The following EPHA6 variants were observed in gnomAD, a reference collection of about 807,000 sequenced individuals.
The protein encoded by EPHA6 is EPH receptor A6, also known as ephrin type-A receptor 6.
In EPHA6, 50 loss-of-function variants were observed where a neutral mutation model predicts 112.0. The observed-to-expected ratio is 0.45, with a 90% confidence interval of 0.36 to 0.56. The LOEUF is 0.56. EPHA6 is among the 20% of genes least tolerant of loss of function. The probability of loss-of-function intolerance (pLI) is 0.00; values close to 1 mark genes in which losing one functional copy is unlikely to be tolerated. For synonymous variants in EPHA6, 529 were observed against 490.7 expected (o/e 1.08, Z -1.03); for missense variants, 1,280 against 1,417.4 (o/e 0.90, Z 1.56).
chr3:97,562,184 A>T (rs546229354), intron 11 of EPHA6, among the ~76,000 whole-genome samples: 1 of 152,258 alleles, frequency 6.6e-6, no homozygotes. Context: ...TTTGACTTTC[A>T]ATGTTATTAT....
At chr3:96,974,687 T>C (rs2042451783) in intron 2 of EPHA6, among the ~76,000 whole-genome samples, 1 of 152,140 alleles carries the variant, frequency 6.6e-6, no homozygotes, top group African/African-American at 2.4e-5. Context: ...ATGTTCATTT[T>C]ATGAATCCTT....
Position 97,387,482 on chromosome 3 carries a change from A to T in EPHA6, c.1607-17668A>T, listed in dbSNP as rs373218869. ...TTTAGAGCTGGGGCACAATGCTGCA[A>T]TTCTCTTTGCCAAAGCATAGCAAGA... On this transcript the variant is annotated intron_variant, in intron 5 of 17. Transcript: ENST00000389672. Among the ~76,000 whole-genome samples, 18 of 152,228 alleles carry T rather than the reference A, an allele frequency of 1.2e-4. No individual in the cohort carries two copies. In the South Asian group the frequency reaches 3.7e-3, roughly 32 times the overall value.
At chr3:97,002,218 G>T (rs566534304) in intron 3 of EPHA6, among the ~76,000 whole-genome samples, 1,992 of 151,606 alleles carry the variant, frequency 0.013, 42 homozygotes, top group African/African-American at 0.043. Context: ...TTTAATAATT[G>T]CATTATGACC....
At chr3:97,586,727 T>TGGATAGACAGAC (rs1553823571) in intron 11 of EPHA6, among the ~76,000 whole-genome samples, 5 of 151,348 alleles carry the variant, frequency 3.3e-5, no homozygotes, top group African/African-American at 9.7e-5. Flanking sequence ...GATGGATGGA[T>TGGATAGACAGAC]AGACAGACAG....
intron 13 of EPHA6, among the ~76,000 whole-genome samples, chr3:97,614,118 T>C (rs2093743044): frequency 6.6e-6 from 1 of 152,070 alleles, no homozygotes; most frequent in Non-Finnish European, 1.5e-5. Flanking sequence ...TTGTTTTTTG[T>C]TTTTATTATA....
chr3:97,322,860 C>T lies in EPHA6; in HGVS notation c.1606+78573C>T, dbSNP rs771962641. On this transcript the variant is annotated intron_variant, in intron 5 of 17. Coordinates refer to ENST00000389672, the MANE Select transcript of EPHA6 (RefSeq NM_001080448.3). Reference sequence around the variant, plus strand: ...ATTCAGTGAGGAACAATCCTCCTAACGAGAGCTGACCTATATAGTGACATT... The same window carrying T: ...ATTCAGTGAGGAACAATCCTCCTAATGAGAGCTGACCTATATAGTGACATT... Among the ~76,000 whole-genome samples the T allele has an allele frequency of 9.2e-5, 14 of 152,046 alleles. 1 individual carries two copies. The highest frequency in any genetic ancestry group is 2.2e-4 in the African/African-American group (9 of 41,454).
chr3:97,586,513 A>G (rs552428273), intron 11 of EPHA6, among the ~76,000 whole-genome samples: 2 of 152,182 alleles, frequency 1.3e-5, no homozygotes, highest in Non-Finnish European at 2.9e-5. Flanking sequence ...AGTGAAGGAA[A>G]TAATGTATAA....
At chr3:97,420,469 C>T (rs1476740642) in intron 6 of EPHA6, among the ~76,000 whole-genome samples, 1 of 151,984 alleles carries the variant, frequency 6.6e-6, no homozygotes, top group Non-Finnish European at 1.5e-5. Flanking sequence ...AAACTTCATA[C>T]ATATATTATT....
intron 6 of EPHA6, among the ~76,000 whole-genome samples, chr3:97,423,924 G>C (rs2088882950): frequency 6.6e-6 from 1 of 152,140 alleles, no homozygotes; most frequent in Non-Finnish European, 1.5e-5. Flanking sequence ...TTCAATCAAT[G>C]ATGCAGAAAT....
intron 5 of EPHA6, among the ~76,000 whole-genome samples, chr3:97,263,222 G>A (rs1333323912): frequency 9.2e-5 from 14 of 152,064 alleles, no homozygotes; most frequent in African/African-American, 3.4e-4. Flanking sequence ...TTTTAAAGAA[G>A]AAGTGTTTAA....
At chr3:96,816,673 T>C (rs767712363) in intron 1 of EPHA6, among the ~76,000 whole-genome samples, 8 of 152,098 alleles carry the variant, frequency 5.3e-5, no homozygotes, top group Non-Finnish European at 1.0e-4. Flanking sequence ...ACAATGTTTA[T>C]TTATTTAAAT....
intron 5 of EPHA6, among the ~76,000 whole-genome samples, chr3:97,339,140 C>A (rs957212423): frequency 1.4e-4 from 21 of 152,170 alleles, no homozygotes; most frequent in African/African-American, 5.1e-4. Context: ...CTAGACAAAC[C>A]ACTTAGTCAA....
chr3:97,516,566 C>T (rs1478301940), intron 10 of EPHA6, among the ~76,000 whole-genome samples: 1 of 152,040 alleles, frequency 6.6e-6, no homozygotes, highest in Non-Finnish European at 1.5e-5. Context: ...GGGTGACTAT[C>T]CAGATAACAT....
chr3:97,671,392 A>G (rs1022213302), intron 14 of EPHA6, among the ~76,000 whole-genome samples: 1 of 152,160 alleles, frequency 6.6e-6, no homozygotes, highest in African/African-American at 2.4e-5. Flanking sequence ...GACTTCTATA[A>G]TCTGTTCATA....
chr3:97,597,741 G>T (rs1291278135), intron 12 of EPHA6, among the ~76,000 whole-genome samples: 1 of 152,172 alleles, frequency 6.6e-6, no homozygotes, highest in Non-Finnish European at 1.5e-5. Context: ...GGAAAATATT[G>T]TATTCACTAT....
intron 2 of EPHA6, among the ~76,000 whole-genome samples, chr3:96,904,627 A>C (rs1233314668): frequency 2.0e-5 from 3 of 151,976 alleles, no homozygotes; most frequent in Non-Finnish European, 1.5e-5. Flanking sequence ...AAAACTCTTC[A>C]CAATAAATGT....
intron 3 of EPHA6, among the ~76,000 whole-genome samples, chr3:96,988,954 G>T (rs546591955): frequency 6.6e-6 from 1 of 151,928 alleles, no homozygotes; most frequent in East Asian, 1.9e-4. Flanking sequence ...CCCTAATAAA[G>T]AGCATACGTT....
At chr3:97,631,268 G>T (rs2107535050) in intron 13 of EPHA6, among the ~76,000 whole-genome samples, 1 of 152,028 alleles carries the variant, frequency 6.6e-6, no homozygotes, top group East Asian at 1.9e-4. Flanking sequence ...CCCATCTTTT[G>T]TCTCTTATGA....
intron 5 of EPHA6, among the ~76,000 whole-genome samples, chr3:97,264,323 C>T (rs767570503): frequency 1.1e-4 from 17 of 152,236 alleles, no homozygotes; most frequent in Non-Finnish European, 1.9e-4. Flanking sequence ...TGGGGTCCGG[C>T]CATTGCGCAC....
Sources: gnomAD v4.1 joint callset for allele counts (sites outside exome capture counted in the v4.1 genomes callset) on GRCh38, gnomAD v4.1.1 for gene constraint, MANE v1.5 for transcripts, NCBI Gene and HGNC (gene_info 2026-07-23, HGNC 2026-07-21) for gene names.